The following SH3BGR variants were observed in gnomAD, a reference collection of about 807,000 sequenced individuals.
SH3BGR encodes the protein SH3 domain binding glutamate rich protein, also known as SH3 domain-binding glutamic acid-rich protein.
SH3BGR carries 29 observed loss-of-function variants against 24.5 expected under a neutral mutation model. The observed-to-expected ratio is 1.18, with a 90% CI of 0.88 to 1.61. The LOEUF is 1.61. SH3BGR is among the 40% of genes most tolerant of loss of function. SH3BGR has a pLI of 0.00. For missense variants in SH3BGR, 162 were observed against 205.8 expected (o/e 0.79, Z 1.30); for synonymous variants, 55 against 65.7 (o/e 0.84, Z 0.79).
intron 1 of SH3BGR, among the ~76,000 whole-genome samples, chr21:39,460,242 C>G (rs1039331839): frequency 1.9e-4 from 29 of 152,194 alleles, no homozygotes; most frequent in African/African-American, 6.7e-4. Context: ...TTTTTATGTG[C>G]TGGGAGAAAC....
intron 1 of SH3BGR, among the ~76,000 whole-genome samples, chr21:39,462,064 G>C (rs1045205945): frequency 6.6e-6 from 1 of 152,030 alleles, no homozygotes; most frequent in African/African-American, 2.4e-5. Context: ...GGTCAAGCTG[G>C]TGTCGAACCT....
chr21:39,461,158 G>T (rs1185124648), intron 1 of SH3BGR, among the ~76,000 whole-genome samples: 4 of 123,974 alleles, frequency 3.2e-5, no homozygotes, highest in Non-Finnish European at 3.3e-5. Flanking sequence ...TTTTTTTTGC[G>T]ACAGTTTTGC....
intron 4 of SH3BGR, among the ~76,000 whole-genome samples, chr21:39,506,184 C>A (rs1436821188): frequency 6.6e-6 from 1 of 152,166 alleles, no homozygotes; most frequent in East Asian, 1.9e-4. Flanking sequence ...AGGTTATGCC[C>A]CCAAACACAC....
chr21:39,496,850 G>A (rs1454080972), intron 3 of SH3BGR, among the ~76,000 whole-genome samples: 2 of 152,072 alleles, frequency 1.3e-5, no homozygotes, highest in Non-Finnish European at 2.9e-5. Context: ...TAAACCTGCA[G>A]TGTTCCTGGA....
At chr21:39,510,167 C>T (rs374784066) in intron 5 of SH3BGR, among the ~76,000 whole-genome samples, 1 of 127,220 alleles carries the variant, frequency 7.9e-6, no homozygotes, top group Non-Finnish European at 1.7e-5. Context: ...TGGTCTCGAT[C>T]TCCTGACCTT....
At chr21:39,494,251 C>T (rs967234) in intron 3 of SH3BGR, among the ~76,000 whole-genome samples, 67,227 of 137,536 alleles carry the variant, frequency 0.49, 16,105 homozygotes, top group East Asian at 0.67. Flanking sequence ...TCTTCTTCTT[C>T]TTTTTTTTTT....
upstream of SH3BGR, among the ~76,000 whole-genome samples, chr21:39,450,900 G>A (rs1460602345): frequency 6.6e-6 from 1 of 152,112 alleles, no homozygotes; most frequent in Non-Finnish European, 1.5e-5. Context: ...CCTGGCTAAA[G>A]GGCTCAAGGG....
chr21:39,477,933 A>G (rs962660301), intron 3 of SH3BGR, among the ~76,000 whole-genome samples: 1 of 152,310 alleles, frequency 6.6e-6, no homozygotes, highest in South Asian at 2.1e-4. Flanking sequence ...ATACGTATAC[A>G]TTGTGGATTG....
chr21:39,490,676 A>G (rs1451966695), intron 3 of SH3BGR, among the ~76,000 whole-genome samples: 2 of 150,758 alleles, frequency 1.3e-5, no homozygotes, highest in Non-Finnish European at 2.9e-5. Context: ...TTTCCTTTCA[A>G]CTTCCTATGT....
At chr21:39,452,595 A>G (rs1361633024) in intron 1 of SH3BGR, among the ~76,000 whole-genome samples, 5 of 152,230 alleles carry the variant, frequency 3.3e-5, no homozygotes, top group African/African-American at 1.2e-4. Flanking sequence ...CCATGTAATG[A>G]TGTAACCATA....
At chr21:39,498,135 A>G (rs1179368894) in intron 3 of SH3BGR, among the ~76,000 whole-genome samples, 1 of 152,270 alleles carries the variant, frequency 6.6e-6, no homozygotes, top group African/African-American at 2.4e-5. Flanking sequence ...GAAGTTGTGC[A>G]TACTGTGTTC....
At chr21:39,446,717 A>G (rs1340886650) in intron 1 of SH3BGR, among the ~76,000 whole-genome samples, 3 of 152,106 alleles carry the variant, frequency 2.0e-5, no homozygotes, top group Non-Finnish European at 4.4e-5. Context: ...TCTTTTGTCC[A>G]TTTTAAAACT....
upstream of SH3BGR, chr21:39,451,814 G>A: frequency 7.9e-6 from 11 of 1,391,610 alleles, no homozygotes; most frequent in Non-Finnish European, 9.9e-6. Flanking sequence ...TAAAGTGATA[G>A]GGAAAGGGTC....
At chr21:39,491,415 G>A (rs921553841) in intron 3 of SH3BGR, 1 of 158,856 alleles carries the variant, frequency 6.3e-6, no homozygotes, top group African/African-American at 2.4e-5. Context: ...CTCCCAAAGT[G>A]TTGTTGGGAT....
intron 3 of SH3BGR, among the ~76,000 whole-genome samples, chr21:39,481,558 C>G (rs1022240084): frequency 4.6e-5 from 7 of 152,132 alleles, no homozygotes; most frequent in African/African-American, 1.7e-4. Flanking sequence ...TCTTCACTCC[C>G]TTGTGTTTAG....
chr21:39,455,125 A>G (rs1309495430), intron 1 of SH3BGR, among the ~76,000 whole-genome samples: 2 of 152,204 alleles, frequency 1.3e-5, no homozygotes, highest in African/African-American at 4.8e-5. Context: ...AAGACAATAA[A>G]CGAGAGGTGC....
chr21:39,477,583 T>G (rs1291941652), intron 3 of SH3BGR, among the ~76,000 whole-genome samples: 1 of 152,230 alleles, frequency 6.6e-6, no homozygotes, highest in Admixed American at 6.5e-5. Flanking sequence ...GCTCTTTCAG[T>G]GAGACAAAAA....
chr21:39,477,820 G>A (rs1261872426), intron 3 of SH3BGR, among the ~76,000 whole-genome samples: 3 of 152,166 alleles, frequency 2.0e-5, no homozygotes, highest in Non-Finnish European at 4.4e-5. Flanking sequence ...TGTCTTAAGT[G>A]TCTTTGTAAC....
chr21:39,464,557 A>G (rs908859298), intron 2 of SH3BGR, among the ~76,000 whole-genome samples: 3 of 152,122 alleles, frequency 2.0e-5, no homozygotes, highest in African/African-American at 4.8e-5. Flanking sequence ...CCAGGCTGAC[A>G]TGGATTTATG....
Sources: gnomAD v4.1 joint callset for allele counts (sites outside exome capture counted in the v4.1 genomes callset) on GRCh38, gnomAD v4.1.1 for gene constraint, MANE v1.5 for transcripts, NCBI Gene and HGNC (gene_info 2026-07-23, HGNC 2026-07-21) for gene names.